TPCN1: variants seen among roughly 807,000 people sequenced by gnomAD.
TPCN1 encodes two pore channel protein 1.
A neutral mutation model predicts 108.8 loss-of-function variants in TPCN1; 52 were observed. The ratio of observed to expected loss-of-function variants is 0.48; its 90% CI spans 0.38 to 0.60. The LOEUF (loss-of-function observed/expected upper bound fraction) is 0.60, where lower values mean the gene tolerates loss of function less well. Among genes scored for constraint, TPCN1 ranks in the 20% least tolerant of loss-of-function variants. TPCN1 has a pLI of 0.00. For missense variants in TPCN1, 806 were observed against 1,072.8 expected, an observed-to-expected ratio of 0.75 and a Z score of 3.47; for synonymous variants, 446 against 433.7, an observed-to-expected ratio of 1.03 and a Z score of -0.35.
At chr12:113,283,625 C>A (rs1955966839) in intron 15 of TPCN1, among the ~76,000 whole-genome samples, 1 of 151,656 alleles carries the variant, frequency 6.6e-6, no homozygotes, top group Non-Finnish European at 1.5e-5. Flanking sequence ...AATAATAAAA[C>A]CCTGTCTTAA....
chr12:113,290,469 A>T (rs1566205110), intron 22 of TPCN1, among the ~76,000 whole-genome samples: 1 of 152,190 alleles, frequency 6.6e-6, no homozygotes, highest in Non-Finnish European at 1.5e-5. Flanking sequence ...ATATTTTCTC[A>T]GTACCGGGGA....
chr12:113,284,540 C>T lies in TPCN1; in HGVS notation c.1343-41C>T. On this transcript the variant is annotated intron_variant, in intron 15 of 27. Transcript: ENST00000335509. The surrounding 1 kb of genome is among the most constrained non-coding windows in gnomAD (Gnocchi z 4.1). ...CTGCGACCTGCAGATTTCTAAGCCC[C>T]CCTGTTATTTCTCTGTCTTTTACGG... 12 of 1,611,612 alleles carry T rather than the reference C, an allele frequency of 7.4e-6. No individual in the cohort carries two copies. Among genetic ancestry groups the T allele is most frequent in the Non-Finnish European group, 9.3e-6 (11 of 1,178,656 alleles).
intron 14 of TPCN1, 56 bp from the exon 15 acceptor site, chr12:113,280,095 C>T (rs1955836393): frequency 7.5e-7 from 1 of 1,335,634 alleles, no homozygotes; most frequent in Non-Finnish European, 1.1e-6. Flanking sequence ...ATTAAGGATA[C>T]AGTAGGGGGA....
At chr12:113,275,045 C>T (rs1429056752) in intron 10 of TPCN1, among the ~76,000 whole-genome samples, 3 of 152,164 alleles carry the variant, frequency 2.0e-5, no homozygotes, top group East Asian at 1.9e-4. Context: ...AGATCACATC[C>T]GACACCAGGC....
rs1364136236 is a variant in TPCN1, at chr12:113,289,613, A to T, written c.1797-515A>T. 6.6e-6 allele frequency among the ~76,000 whole-genome samples: 1 copy of T among 152,216 alleles called. No individual in the cohort carries two copies. Among genetic ancestry groups the T allele is most frequent in the Non-Finnish European group, 1.5e-5 (1 of 68,044 alleles). On this transcript the variant is annotated intron_variant, in intron 21 of 27. Coordinates refer to ENST00000335509, the MANE Select transcript of TPCN1 (RefSeq NM_017901.6). The surrounding 1 kb of genome is among the most constrained non-coding windows in gnomAD (Gnocchi z 4.1). ...GCCCAAGCACTAGACTTTTATAAAC[A>T]TTAGCATGGATATTAACAGAACAGC...
At chr12:113,294,819 G>C (rs553862938) in intron 27 of TPCN1, among the ~76,000 whole-genome samples, 104 of 152,284 alleles carry the variant, frequency 6.8e-4, no homozygotes, top group African/African-American at 2.4e-3. Context: ...AGGGTTGCCA[G>C]GGCTCCGGGG....
chr12:113,226,937 C>G lies in TPCN1; in HGVS notation c.85C>G (p.Leu29Val). ...TGCCCCACTGGCTCCCTCCAACGGCCTGGGCCAAGAAGAGCTACCTAGCAA... is the reference window on the plus strand; with the variant it reads ...TGCCCCACTGGCTCCCTCCAACGGCGTGGGCCAAGAAGAGCTACCTAGCAA... Reference protein sequence around the residue: ...GSAPLAPSNGLGQEELPSKNG... With the variant: ...GSAPLAPSNGVGQEELPSKNG... Residue 29 changes from leucine to valine, a missense_variant, in exon 2 of 28, where the codon CTG (leucine) becomes GTG (valine). Leu to Val is a conservative substitution (Grantham distance 32). Transcript: ENST00000335509. 1 of 1,613,968 alleles carries G rather than the reference C, an allele frequency of 6.2e-7. No homozygotes were observed. Among genetic ancestry groups the G allele is most frequent in the Non-Finnish European group, 8.5e-7 (1 of 1,179,988 alleles).
At chr12:113,230,386 T>TC (rs1953643633) in intron 2 of TPCN1, among the ~76,000 whole-genome samples, 1 of 149,754 alleles carries the variant, frequency 6.7e-6, no homozygotes, top group South Asian at 2.1e-4. Flanking sequence ...CCTCCCAGGT[T>TC]CAAGTGATCC....
intron 3 of TPCN1, among the ~76,000 whole-genome samples, chr12:113,261,139 G>T (rs1018741563): frequency 6.6e-6 from 1 of 152,002 alleles, no homozygotes; most frequent in Non-Finnish European, 1.5e-5. Flanking sequence ...AGCCGAGATC[G>T]CACCACTGCA....
chr12:113,243,349 G>T (rs1035724555), intron 2 of TPCN1, among the ~76,000 whole-genome samples: 3 of 149,324 alleles, frequency 2.0e-5, no homozygotes, highest in Non-Finnish European at 3.0e-5. Flanking sequence ...TAGCCTGGAT[G>T]ACAGAGTGGG....
Position 113,268,518 on chromosome 12 carries a change from C to T in TPCN1, c.529-224C>T, listed in dbSNP as rs962803364. 1.3e-5 allele frequency among the ~76,000 whole-genome samples: 2 copies of T among 152,226 alleles called. No homozygotes were observed. Among genetic ancestry groups the T allele is most frequent in the African/African-American group, 4.8e-5 (2 of 41,452 alleles). ...TGCCTCCTCAGTGGATACCAGCAGT[C>T]ACACAGCCCTTCCATTCTTCTGGTG... On this transcript the variant is annotated intron_variant, in intron 5 of 27. Transcript: ENST00000335509. The surrounding 1 kb of genome is among the most constrained non-coding windows in gnomAD (Gnocchi z 7.3).
chr12:113,274,709 A>G (rs1955615304), intron 10 of TPCN1, among the ~76,000 whole-genome samples: 1 of 152,212 alleles, frequency 6.6e-6, no homozygotes, highest in Non-Finnish European at 1.5e-5. Context: ...TTTAATAAAT[A>G]AACACAACCG....
Position 113,268,059 on chromosome 12 carries a change from C to G in TPCN1, c.528+103C>G. The G allele has an allele frequency of 1.2e-6, 1 of 855,150 alleles. No individual in the cohort carries two copies. Among genetic ancestry groups the G allele is most frequent in the East Asian group, 2.7e-5 (1 of 37,712 alleles). 53.0% of individuals were successfully genotyped at this position (855,150 alleles called of 1,614,324 possible). A position where few individuals can be genotyped will look rare whatever the true frequency, so the allele number is the denominator to read the frequency against. On this transcript the variant is annotated intron_variant, in intron 5 of 27. Transcript: ENST00000335509. The surrounding 1 kb of genome is among the most constrained non-coding windows in gnomAD (Gnocchi z 7.3). ...ATTCAGAATCCACCATGGGCCCAGTCCATGCTCAGAGGTGTAACCCTAGGG... is the reference window on the plus strand; with the variant it reads ...ATTCAGAATCCACCATGGGCCCAGTGCATGCTCAGAGGTGTAACCCTAGGG...
intron 3 of TPCN1, among the ~76,000 whole-genome samples, chr12:113,263,300 G>A (rs1364299210): frequency 2.0e-5 from 3 of 152,174 alleles, no homozygotes; most frequent in African/African-American, 7.2e-5. Context: ...CTCTCACTCC[G>A]TTGCCCGGGC....
chr12:113,284,664 G>C lies in TPCN1; in HGVS notation c.1399+27G>C. 3 of 1,614,252 alleles carry C rather than the reference G, an allele frequency of 1.9e-6. No individual in the cohort carries two copies. The highest frequency in any genetic ancestry group is 1.7e-5 in the Admixed American group (1 of 60,032). On this transcript the variant is annotated intron_variant, in intron 16 of 27. Transcript: ENST00000335509. This position sits in a 1 kb window ranked among gnomAD's most constrained non-coding sequence, Gnocchi z 4.1. ...TGAGCCCCGCTCAGGGACTGGCCGT[G>C]TCCTGGCCGGCACACCTGGCTTACC...
intron 10 of TPCN1, among the ~76,000 whole-genome samples, chr12:113,276,579 C>G (rs1277113903): frequency 6.6e-6 from 1 of 152,168 alleles, no homozygotes; most frequent in Non-Finnish European, 1.5e-5. Context: ...TCTTGCTACT[C>G]TCTCCTCCCC....
chr12:113,271,543 G>A (rs914154920), intron 7 of TPCN1, among the ~76,000 whole-genome samples: 1 of 152,226 alleles, frequency 6.6e-6, no homozygotes, highest in African/African-American at 2.4e-5. Context: ...TAATATGGGT[G>A]TCCGCTTCTA....
In TPCN1 at chr12:113,253,407, T is replaced by A. The variant is rs546056304; in HGVS notation, c.113-6961T>A. Among the ~76,000 whole-genome samples the A allele has an allele frequency of 6.6e-5, 10 of 152,346 alleles. No individual in the cohort carries two copies. In the East Asian group the frequency reaches 1.7e-3, roughly 26 times the overall value. On this transcript the variant is annotated intron_variant, in intron 2 of 27. Transcript: ENST00000335509. ...CATAGTGCCTTAAGATAGCAACATT[T>A]ATTTTGCTTGAGTTTGCAGTTTGAG...
rs1240118001 is a variant in TPCN1 at position 113,298,563 on chromosome 12, T to G, written c.*2487T>G. On this transcript the variant is annotated 3_prime_UTR_variant, in exon 28 of 28. Transcript: ENST00000335509. ...TGTCTCTGGATTTCTAGCACATTAC[T>G]AAAAGAGCCTCTGCTTTGTAAACAT... 6.6e-6 allele frequency: 1 copy of G among 152,310 alleles called. No homozygotes were observed. The highest frequency in any genetic ancestry group is 2.4e-5 in the African/African-American group (1 of 41,474). The allele number at this position is 152,310 out of a possible 1,614,324, so 9.4% of individuals were successfully genotyped here.
Sources: allele counts gnomAD v4.1 joint callset (sites outside exome capture counted in the v4.1 genomes callset), GRCh38; gene constraint gnomAD v4.1.1; non-coding constraint Gnocchi (gnomAD v3.1); transcripts MANE v1.5; gene names NCBI Gene and HGNC (gene_info 2026-07-23, HGNC 2026-07-21).